MSR1: variants seen among roughly 807,000 people sequenced by gnomAD.
The protein encoded by MSR1 is macrophage scavenger receptor 1.
In MSR1, 53 loss-of-function variants were observed where a neutral mutation model predicts 47.2. That is an observed-to-expected ratio of 1.12 (90% CI 0.90 to 1.41). The LOEUF (loss-of-function observed/expected upper bound fraction) is 1.41. MSR1 is among the 40% of genes most tolerant of loss of function. The pLI, the probability that MSR1 is intolerant of heterozygous loss-of-function variation, is 0.00. For synonymous variants in MSR1, 239 were observed against 185.6 expected, an observed-to-expected ratio of 1.29 and a Z score of -2.34; for missense variants, 786 against 546.9, an observed-to-expected ratio of 1.44 and a Z score of -4.36.
intron 8 of MSR1, chr8:16,121,013 G>C (rs748971933): frequency 3.2e-6 from 1 of 307,818 alleles, no homozygotes; most frequent in South Asian, 2.9e-5. Context: ...ATACAATGCA[G>C]AGATTTTCAA....
intron 8 of MSR1, among the ~76,000 whole-genome samples, chr8:16,138,376 T>C (rs922718077): frequency 6.6e-6 from 1 of 152,202 alleles, no homozygotes; most frequent in Non-Finnish European, 1.5e-5. Context: ...TGACTAGCGT[T>C]AGAGCTTAGT....
At chr8:16,174,100 T>A (rs777791977) in intron 3 of MSR1, among the ~76,000 whole-genome samples, 1 of 152,186 alleles carries the variant, frequency 6.6e-6, no homozygotes, top group South Asian at 2.1e-4. Context: ...ATGTGGATAA[T>A]GAGAATAATT....
intron 8 of MSR1, among the ~76,000 whole-genome samples, chr8:16,129,699 G>T (rs1247973985): frequency 6.6e-6 from 1 of 152,076 alleles, no homozygotes; most frequent in Admixed American, 6.6e-5. Context: ...AGTGACCCAA[G>T]ATCATGCCAC....
In MSR1 at chr8:16,134,804, C is replaced by G. The variant is rs1429083780; in HGVS notation, c.1033+8754G>C. ...ATTAAAAGTGCCACTCCAGTGAACA[C>G]AAAAATAATAAGAAAACAAACCACC... On this transcript the variant is annotated intron_variant, in intron 8 of 9. Transcript: ENST00000262101. Among the ~76,000 whole-genome samples the G allele has an allele frequency of 2.6e-5, 4 of 152,176 alleles. 1 individual carries two copies. The Middle Eastern group carries it at 0.014, about 518-fold the overall frequency.
At chr8:16,189,416 TTA>T (rs1302197179) in intron 1 of MSR1, among the ~76,000 whole-genome samples, 3 of 91,584 alleles carry the variant, frequency 3.3e-5, no homozygotes, top group Admixed American at 1.5e-4. Flanking sequence ...TATATATATT[TTA>T]TATATATAAA....
chr8:16,123,908 G>A (rs564031736), intron 8 of MSR1, among the ~76,000 whole-genome samples: 1 of 152,204 alleles, frequency 6.6e-6, no homozygotes, highest in East Asian at 1.9e-4. Context: ...TCTGTAGGTT[G>A]CTTTATTATT....
intron 7 of MSR1, among the ~76,000 whole-genome samples, chr8:16,145,325 A>C (rs1033709171): frequency 1.3e-5 from 2 of 152,150 alleles, no homozygotes; most frequent in African/African-American, 4.8e-5. Flanking sequence ...TATAGTGCCA[A>C]ATTTTCAGAT....
At chr8:16,143,162 T>C (rs1347456716) in intron 8 of MSR1, among the ~76,000 whole-genome samples, 1 of 152,124 alleles carries the variant, frequency 6.6e-6, no homozygotes, top group East Asian at 1.9e-4. Context: ...GATAGTTAAT[T>C]TTTCAGGGTT....
Position 16,164,200 on chromosome 8 carries a change from C to G in MSR1, c.682G>C (p.Ala228Pro). Residue 228 changes from alanine (A) to proline (P), a missense_variant, in exon 5 of 10, where the codon GCT becomes CCT. Ala to Pro is a conservative substitution (Grantham distance 27). Transcript: ENST00000262101. ...AAATGCACTTGTTCTTCTTTCATAGCCATAATTTCTGCTGATACATTGTAA... is the reference window on the plus strand; with the variant it reads ...AAATGCACTTGTTCTTCTTTCATAGGCATAATTTCTGCTGATACATTGTAA... ...RVYNVSAEIM[A>P]MKEEQVHLEQ... The G allele has an allele frequency of 1.2e-6, 2 of 1,612,276 alleles. No homozygotes were observed. Among genetic ancestry groups the G allele is most frequent in the Non-Finnish European group, 1.7e-6 (2 of 1,179,008 alleles).
intron 7 of MSR1, 82 bp from the exon 8 acceptor site, chr8:16,143,693 G>A (rs1800623120): frequency 1.0e-6 from 1 of 987,564 alleles, no homozygotes; most frequent in Non-Finnish European, 1.6e-6. Context: ...TCATCACAAG[G>A]TAATTAAAAT....
rs192343450 is a variant in MSR1 at position 16,178,655 on chromosome 8, T to C, written c.-4-663A>G. ...TGGCTGGGTCAAACGGTATTTCTAGTTCTAAATCCCTGAGGAATTGCCACA... is the reference window on the plus strand; with the variant it reads ...TGGCTGGGTCAAACGGTATTTCTAGCTCTAAATCCCTGAGGAATTGCCACA... On this transcript the variant is annotated intron_variant, in intron 1 of 9. Transcript: ENST00000262101. Among the ~76,000 whole-genome samples the C allele has an allele frequency of 1.6e-3, 243 of 152,308 alleles. 1 individual carries two copies. In the Middle Eastern group the frequency reaches 0.031, roughly 19 times the overall value.
chr8:16,150,203 A>T (rs181293050), intron 7 of MSR1, 28 bp downstream of exon 7: 2 of 1,100,276 alleles, frequency 1.8e-6, no homozygotes, highest in Non-Finnish European at 2.5e-6. Flanking sequence ...TACATATTCT[A>T]TAAAGAAAAT....
At chr8:16,151,812 C>T (rs59444626) in intron 6 of MSR1, among the ~76,000 whole-genome samples, 6,125 of 152,168 alleles carry the variant, frequency 0.04, 439 homozygotes, top group African/African-American at 0.14. Context: ...CAGGCTCCTT[C>T]CTGCAAAGTA....
chr8:16,175,130 G>C (rs1031923498), intron 3 of MSR1, 57 bp downstream of exon 3: 4 of 1,376,374 alleles, frequency 2.9e-6, no homozygotes, highest in Non-Finnish European at 4.1e-6. Context: ...TTTTTGCTTT[G>C]GCAATGAATA....
intron 4 of MSR1, 115 bp downstream of exon 4, chr8:16,168,343 G>A: frequency 9.0e-6 from 9 of 1,004,796 alleles, no homozygotes; most frequent in Non-Finnish European, 1.4e-5. Flanking sequence ...AGAAATCAGG[G>A]TAAACAGGAT....
At chr8:16,188,262 T>G (rs1802060005) in intron 1 of MSR1, among the ~76,000 whole-genome samples, 1 of 152,098 alleles carries the variant, frequency 6.6e-6, no homozygotes, top group African/African-American at 2.4e-5. Flanking sequence ...TACTTTTTTG[T>G]TTTTATTATA....
intron 6 of MSR1, among the ~76,000 whole-genome samples, chr8:16,153,249 G>A (rs1270629968): frequency 1.3e-5 from 2 of 151,990 alleles, no homozygotes; most frequent in Non-Finnish European, 2.9e-5. Flanking sequence ...TATACTCTTT[G>A]CTTCCTGATT....
intron 9 of MSR1, among the ~76,000 whole-genome samples, chr8:16,118,522 T>C (rs1394037263): frequency 6.6e-6 from 1 of 151,982 alleles, no homozygotes; most frequent in African/African-American, 2.4e-5. Flanking sequence ...CTACCAAATA[T>C]ACAAAAACTA....
intron 7 of MSR1, among the ~76,000 whole-genome samples, chr8:16,146,448 C>G (rs1300549361): frequency 6.6e-6 from 1 of 152,036 alleles, no homozygotes; most frequent in Non-Finnish European, 1.5e-5. Context: ...AGTGAGGCAG[C>G]TTGAGAGTTG....
Sources: allele counts gnomAD v4.1 joint callset (sites outside exome capture counted in the v4.1 genomes callset), GRCh38; gene constraint gnomAD v4.1.1; transcripts MANE v1.5; gene names NCBI Gene and HGNC (gene_info 2026-07-23, HGNC 2026-07-21).